VPS36: variants seen among roughly 807,000 people sequenced by gnomAD.
The protein encoded by VPS36 is vacuolar protein-sorting-associated protein 36.
A neutral mutation model predicts 63.5 loss-of-function variants in VPS36; 31 were observed. That is an observed-to-expected ratio of 0.49 (90% CI 0.37 to 0.66). The LOEUF is 0.66. Among genes scored for constraint, VPS36 ranks in the 30% least tolerant of loss-of-function variants. The pLI, the probability that VPS36 is intolerant of heterozygous loss-of-function variation, is 0.00. For missense variants in VPS36, 338 were observed against 463.7 expected (o/e 0.73, Z 2.49); for synonymous variants, 138 against 157.2 (o/e 0.88, Z 0.91).
chr13:52,425,252 CAAAA>C (rs748988364), intron 9 of VPS36, among the ~76,000 whole-genome samples: 5 of 67,364 alleles, frequency 7.4e-5, no homozygotes, highest in African/African-American at 5.5e-5. Context: ...GACTCCGCCT[CAAAA>C]AAAAAAAAAA....
At chr13:52,434,960 TTTC>T in intron 4 of VPS36, 78 bp from the exon 5 acceptor site, 1 of 1,270,988 alleles carries the variant, frequency 7.9e-7, no homozygotes, top group African/African-American at 1.5e-5. Flanking sequence ...TTAACATTTC[TTTC>T]TTTTTTTCTT....
intron 1 of VPS36, among the ~76,000 whole-genome samples, chr13:52,446,033 G>A (rs1332342215): frequency 7.3e-6 from 1 of 137,340 alleles, no homozygotes; most frequent in Non-Finnish European, 1.5e-5. Flanking sequence ...GGCAGATCAA[G>A]AGGTCAGGAG....
intron 10 of VPS36, among the ~76,000 whole-genome samples, chr13:52,421,014 G>A (rs1450325370): frequency 6.6e-6 from 1 of 152,122 alleles, no homozygotes; most frequent in African/African-American, 2.4e-5. Context: ...CCAGCTACTT[G>A]AGAAGCTGAA....
intron 3 of VPS36, 43 bp downstream of exon 3, chr13:52,439,055 A>G (rs1176026617): frequency 6.3e-7 from 1 of 1,577,986 alleles, no homozygotes; most frequent in Admixed American, 1.7e-5. Flanking sequence ...GCATAACAGG[A>G]AATGTTTTCT....
intron 1 of VPS36, among the ~76,000 whole-genome samples, chr13:52,447,563 C>T (rs1005425964): frequency 2.6e-5 from 4 of 152,092 alleles, no homozygotes; most frequent in African/African-American, 7.2e-5. Context: ...TATAAACAAG[C>T]GAGTCTGCAT....
intron 2 of VPS36, 136 bp from the exon 3 acceptor site, chr13:52,439,304 C>A (rs1958249937): frequency 1.4e-6 from 1 of 692,578 alleles, no homozygotes; most frequent in Non-Finnish European, 2.2e-6. Context: ...TGATTTTACT[C>A]CTTAAATGAA....
chr13:52,444,945 C>T (rs1446841736), intron 1 of VPS36, among the ~76,000 whole-genome samples: 1 of 152,126 alleles, frequency 6.6e-6, no homozygotes, highest in African/African-American at 2.4e-5. Context: ...AAAGTCCTTG[C>T]ATAATAAATA....
chr13:52,435,246 T>C (rs1490526897), intron 4 of VPS36, among the ~76,000 whole-genome samples: 2 of 151,932 alleles, frequency 1.3e-5, no homozygotes, highest in South Asian at 2.1e-4. Context: ...GCTGGGATTA[T>C]AGGTGTGAGC....
At chr13:52,430,009 T>C (rs2137788885) in intron 6 of VPS36, among the ~76,000 whole-genome samples, 1 of 152,162 alleles carries the variant, frequency 6.6e-6, no homozygotes, top group Non-Finnish European at 1.5e-5. Flanking sequence ...TAACCTTTTA[T>C]TTCAAAATAA....
At chr13:52,415,987 A>C in intron 13 of VPS36, 30 bp downstream of exon 13, 1 of 1,613,034 alleles carries the variant, frequency 6.2e-7, no homozygotes. Flanking sequence ...ACAAACATAC[A>C]TTGTAATGAA....
Position 52,414,111 on chromosome 13 carries a change from A to T in VPS36, c.*1719T>A, listed in dbSNP as rs998205582. ...AGTAGCTCCAGCAATCTTCCTTGCA[A>T]CTCACTCCAGCTGGTGAAACAGATT... On this transcript the variant is annotated 3_prime_UTR_variant, in exon 14 of 14. Transcript: ENST00000378060. 1.1e-4 allele frequency: 16 copies of T among 152,120 alleles called. No individual in the cohort carries two copies. Among genetic ancestry groups the T allele is most frequent in the African/African-American group, 3.9e-4 (16 of 41,418 alleles). 9.4% of individuals were successfully genotyped at this position (152,120 alleles called of 1,614,324 possible).
intron 6 of VPS36, chr13:52,429,185 A>T: frequency 1.1e-6 from 1 of 896,582 alleles, no homozygotes; most frequent in Non-Finnish European, 1.3e-6. Context: ...CACCTGTTTT[A>T]AAACCAGGAG....
intron 3 of VPS36, among the ~76,000 whole-genome samples, chr13:52,438,489 T>C (rs530403892): frequency 7.2e-5 from 11 of 152,286 alleles, no homozygotes; most frequent in African/African-American, 2.6e-4. Flanking sequence ...TAAGCCTACA[T>C]AGGAAAAAAA....
intron 1 of VPS36, chr13:52,450,296 C>G: frequency 8.6e-7 from 1 of 1,159,288 alleles, no homozygotes; most frequent in Non-Finnish European, 1.1e-6. Flanking sequence ...GCTGGGGAGG[C>G]AGCCGAGCGC....
chr13:52,434,891 C>A lies in VPS36; in HGVS notation c.352-9G>T. 6.2e-7 allele frequency: 1 copy of A among 1,607,748 alleles called. No individual in the cohort carries two copies. The highest frequency in any genetic ancestry group is 8.5e-7 in the Non-Finnish European group (1 of 1,175,378). On this transcript the variant is annotated splice_polypyrimidine_tract_variant and intron_variant, in intron 4 of 13. Transcript: ENST00000378060. ...GATAAACGCCTGTAAAACTGATACG[C>A]AAATAAATACACTTTAAATGACTCA...
At chr13:52,431,222 A>C (rs1444250618) in intron 6 of VPS36, among the ~76,000 whole-genome samples, 1 of 152,210 alleles carries the variant, frequency 6.6e-6, no homozygotes, top group Non-Finnish European at 1.5e-5. Context: ...CAGTGCACCT[A>C]TTTTTCAAAT....
At chr13:52,432,117 C>T (rs1048224838) in intron 6 of VPS36, among the ~76,000 whole-genome samples, 1 of 152,082 alleles carries the variant, frequency 6.6e-6, no homozygotes, top group Admixed American at 6.5e-5. Context: ...CTTTGAGAGG[C>T]CGCGGCGGCG....
chr13:52,429,602 T>G (rs1356049491), intron 6 of VPS36, among the ~76,000 whole-genome samples: 2 of 152,156 alleles, frequency 1.3e-5, no homozygotes, highest in African/African-American at 4.8e-5. Flanking sequence ...GGGAGGAATA[T>G]CTGCTGAATA....
chr13:52,432,805 TTA>T (rs1958173176), intron 6 of VPS36, among the ~76,000 whole-genome samples: 2 of 152,236 alleles, frequency 1.3e-5, no homozygotes, highest in South Asian at 4.1e-4. Context: ...CTATGGGCAC[TTA>T]ATAGGTCAAA....
Sources: gnomAD v4.1 joint callset for allele counts (sites outside exome capture counted in the v4.1 genomes callset) on GRCh38, gnomAD v4.1.1 for gene constraint, MANE v1.5 for transcripts, NCBI Gene and HGNC (gene_info 2026-07-23, HGNC 2026-07-21) for gene names.